The following COL25A1 variants were observed in gnomAD, a reference collection of about 807,000 sequenced individuals.
The protein encoded by COL25A1 is collagen alpha-1(XXV) chain.
In COL25A1, 103 loss-of-function variants were observed where a neutral mutation model predicts 128.4. The observed-to-expected ratio is 0.80, with a 90% CI of 0.68 to 0.94. The LOEUF (loss-of-function observed/expected upper bound fraction) is 0.94. Among genes scored for constraint, COL25A1 ranks in the 40% least tolerant of loss-of-function variants. The pLI, the probability that COL25A1 is intolerant of heterozygous loss-of-function variation, is 0.00. For synonymous variants in COL25A1, 279 were observed against 277.2 expected, an observed-to-expected ratio of 1.01 and a Z score of -0.06; for missense variants, 745 against 840.0, an observed-to-expected ratio of 0.89 and a Z score of 1.40.
intron 33 of COL25A1, among the ~76,000 whole-genome samples, chr4:108,826,077 T>A (rs904508424): frequency 2.0e-5 from 3 of 152,184 alleles, no homozygotes; most frequent in African/African-American, 4.8e-5. Flanking sequence ...TTTATGTTTA[T>A]TATTTCAATT....
At chr4:108,918,397 TAC>T (rs1006257455) in intron 12 of COL25A1, among the ~76,000 whole-genome samples, 181 bp from the exon 13 acceptor site, 2 of 152,212 alleles carry the variant, frequency 1.3e-5, no homozygotes, top group African/African-American at 2.4e-5. Flanking sequence ...CCCCAGAAAC[TAC>T]AGAGTTAAAA....
intron 6 of COL25A1, among the ~76,000 whole-genome samples, chr4:108,980,485 C>T (rs148443386): frequency 5.3e-4 from 80 of 152,302 alleles, no homozygotes; most frequent in Admixed American, 5.0e-3. Flanking sequence ...AGTTCCACAG[C>T]CAAGTGAATC....
intron 6 of COL25A1, among the ~76,000 whole-genome samples, chr4:108,999,069 A>T (rs6850973): frequency 2.2e-3 from 332 of 152,192 alleles, no homozygotes; most frequent in African/African-American, 7.6e-3. Flanking sequence ...AAAGTTCATG[A>T]CTAAAACACC....
At chr4:108,913,949 G>A (rs1744565115) in intron 13 of COL25A1, among the ~76,000 whole-genome samples, 1 of 152,092 alleles carries the variant, frequency 6.6e-6, no homozygotes, top group South Asian at 2.1e-4. Context: ...CGCATGGTGG[G>A]GGAAAGAATA....
At chr4:109,089,179 T>A (rs1764688403) in intron 3 of COL25A1, among the ~76,000 whole-genome samples, 1 of 152,014 alleles carries the variant, frequency 6.6e-6, no homozygotes, top group Non-Finnish European at 1.5e-5. Flanking sequence ...TGGGAAAAAA[T>A]GACACAGAAC....
chr4:109,056,627 T>A (rs1043695958), intron 3 of COL25A1, among the ~76,000 whole-genome samples: 2 of 123,594 alleles, frequency 1.6e-5, no homozygotes, highest in African/African-American at 7.4e-5. Context: ...CCATGGAAGG[T>A]ACAAAAAGAT....
chr4:108,840,235 G>A lies in COL25A1; in HGVS notation c.1656+1460C>T, dbSNP rs369268427. 2.9e-4 allele frequency among the ~76,000 whole-genome samples: 29 copies of A among 100,990 alleles called. No individual in the cohort carries two copies. In the East Asian group the frequency reaches 8.5e-3, roughly 29 times the overall value. The allele number at this position is 100,990 out of a possible 152,430, so 66.3% of individuals were successfully genotyped here. On this transcript the variant is annotated intron_variant, in intron 31 of 37. Coordinates refer to ENST00000399132, the MANE Select transcript of COL25A1 (RefSeq NM_198721.4). The stretch of plus-strand genomic sequence containing the variant: ...CCAGCCTGGGAAACAAGAGCGAAAC[G>A]CCATCTCAAAAAAAAAAAAAAAAAA...
chr4:109,160,233 T>C (rs899461400), intron 3 of COL25A1, among the ~76,000 whole-genome samples: 12 of 152,170 alleles, frequency 7.9e-5, no homozygotes, highest in African/African-American at 2.2e-4. Flanking sequence ...AGAGTCAAGA[T>C]ATATCCATGA....
chr4:109,264,709 C>T (rs904653742), intron 3 of COL25A1, among the ~76,000 whole-genome samples: 1 of 152,196 alleles, frequency 6.6e-6, no homozygotes, highest in Non-Finnish European at 1.5e-5. Context: ...TGCCCAACTA[C>T]AGATCAGGCC....
At chr4:109,120,917 G>C (rs1293852070) in intron 3 of COL25A1, among the ~76,000 whole-genome samples, 1 of 151,836 alleles carries the variant, frequency 6.6e-6, no homozygotes, top group Non-Finnish European at 1.5e-5. Flanking sequence ...TCTATATGAG[G>C]AAAACTACAA....
intron 3 of COL25A1, among the ~76,000 whole-genome samples, chr4:109,295,717 A>G (rs1010146458): frequency 6.6e-6 from 1 of 152,098 alleles, no homozygotes; most frequent in Admixed American, 6.6e-5. Flanking sequence ...ATCAAGCTAC[A>G]GCTAACATTT....
chr4:108,825,929 C>T (rs892909888), intron 33 of COL25A1, among the ~76,000 whole-genome samples: 1 of 152,116 alleles, frequency 6.6e-6, no homozygotes, highest in Non-Finnish European at 1.5e-5. Context: ...TGCAGATTAT[C>T]ATGGTGATGA....
chr4:109,007,685 C>A lies in COL25A1; in HGVS notation c.438+2673G>T, dbSNP rs537688471. On this transcript the variant is annotated intron_variant, in intron 6 of 37. Coordinates refer to ENST00000399132, the MANE Select transcript of COL25A1 (RefSeq NM_198721.4). ...AAACCAGAGCAGGTTTCTAATGGGA[C>A]CATTTGAAAATGCTGGTCCCAGCCT... Among the ~76,000 whole-genome samples the A allele has an allele frequency of 2.6e-5, 4 of 152,326 alleles. No homozygotes were observed. The East Asian group carries it at 7.7e-4, about 29-fold the overall frequency.
chr4:108,863,777 T>C lies in COL25A1; in HGVS notation c.1084-390A>G, dbSNP rs975604366. Among the ~76,000 whole-genome samples the C allele has an allele frequency of 2.6e-5, 4 of 152,328 alleles. No homozygotes were observed. The South Asian group carries it at 8.3e-4, about 32-fold the overall frequency. On this transcript the variant is annotated intron_variant, in intron 20 of 37. Coordinates refer to ENST00000399132, the MANE Select transcript of COL25A1 (RefSeq NM_198721.4). The stretch of plus-strand genomic sequence containing the variant: ...TAGAAGAGGAAAGGCAAACTCTCTC[T>C]TCCGCAGCTGAGAGCCCTTCCTCTC...
At chr4:109,283,085 A>G (rs756635889) in intron 3 of COL25A1, among the ~76,000 whole-genome samples, 1 of 152,214 alleles carries the variant, frequency 6.6e-6, no homozygotes, top group Admixed American at 6.5e-5. Context: ...ACACACAAAA[A>G]CTAAGCAGCA....
At chr4:109,012,983 A>G (rs1265532630) in intron 5 of COL25A1, among the ~76,000 whole-genome samples, 1 of 152,252 alleles carries the variant, frequency 6.6e-6, no homozygotes, top group Non-Finnish European at 1.5e-5. Flanking sequence ...AGAGGATTGT[A>G]TATGCACCAA....
At chr4:108,935,181 CT>C (rs1346246832) in intron 11 of COL25A1, among the ~76,000 whole-genome samples, 1 of 152,104 alleles carries the variant, frequency 6.6e-6, no homozygotes, top group Non-Finnish European at 1.5e-5. Context: ...GGTAGATGAT[CT>C]CACAAATATA....
intron 3 of COL25A1, among the ~76,000 whole-genome samples, chr4:109,070,805 G>A (rs569554424): frequency 1.5e-4 from 23 of 151,220 alleles, no homozygotes; most frequent in African/African-American, 2.4e-4. Context: ...TTGTCCTTGC[G>A]ATAGTTTGCT....
At chr4:108,881,234 TGATA>T (rs781439424) in intron 19 of COL25A1, among the ~76,000 whole-genome samples, 5 of 152,054 alleles carry the variant, frequency 3.3e-5, no homozygotes, top group African/African-American at 4.8e-5. Context: ...GACCTTGAGG[TGATA>T]GATAGATGAG....
Sources: allele counts gnomAD v4.1 joint callset (sites outside exome capture counted in the v4.1 genomes callset), GRCh38; gene constraint gnomAD v4.1.1; transcripts MANE v1.5; gene names NCBI Gene and HGNC (gene_info 2026-07-23, HGNC 2026-07-21).